Variants in PI4K2A observed in about 807,000 individuals in gnomAD.
PI4K2A encodes the protein phosphatidylinositol 4-kinase type 2-alpha.
In PI4K2A, 20 loss-of-function variants were observed where a neutral mutation model predicts 55.0. The ratio of observed to expected loss-of-function variants is 0.36; its 90% CI spans 0.26 to 0.53. PI4K2A has a LOEUF of 0.53. Ranked by LOEUF, PI4K2A falls within the 20% of genes least tolerant of loss-of-function variation. The pLI, the probability that PI4K2A is intolerant of heterozygous loss-of-function variation, is 0.91. For synonymous variants in PI4K2A, 235 were observed against 258.5 expected (o/e 0.91, Z 0.87); for missense variants, 463 against 637.1 (o/e 0.73, Z 2.94).
At chr10:97,670,758 G>T (rs2041630980) in intron 8 of PI4K2A, among the ~76,000 whole-genome samples, 3 of 152,180 alleles carry the variant, frequency 2.0e-5, no homozygotes. Flanking sequence ...CTTGAGGGCT[G>T]TGTGTCTGTG....
intron 4 of PI4K2A, among the ~76,000 whole-genome samples, chr10:97,660,917 C>A (rs1197699799): frequency 6.9e-6 from 1 of 144,360 alleles, no homozygotes; most frequent in African/African-American, 2.7e-5. Flanking sequence ...CTTCCTGCTA[C>A]CCCCATCCCT....
intron 4 of PI4K2A, among the ~76,000 whole-genome samples, chr10:97,658,047 C>T (rs1186374614): frequency 6.6e-6 from 1 of 152,140 alleles, no homozygotes; most frequent in East Asian, 1.9e-4. Context: ...GTTGGCCAGG[C>T]TGGTCTTGAA....
At chr10:97,641,028 C>G (rs1404429830) in exon 1 of PI4K2A, 2 of 1,585,842 alleles carry the variant, frequency 1.3e-6, no homozygotes, top group Non-Finnish European at 1.7e-6. Context: ...CCACGCCGCT[C>G]AGGCCCACCG....
At chr10:97,668,544 C>G (rs2041620609) in intron 8 of PI4K2A, among the ~76,000 whole-genome samples, 1 of 152,038 alleles carries the variant, frequency 6.6e-6, no homozygotes, top group Non-Finnish European at 1.5e-5. Context: ...CACCACTGCA[C>G]TCCAGTCTAG....
intron 6 of PI4K2A, among the ~76,000 whole-genome samples, chr10:97,666,153 T>C (rs903311485): frequency 2.6e-5 from 4 of 152,152 alleles, no homozygotes; most frequent in African/African-American, 9.7e-5. Context: ...AGAAGGACCA[T>C]CTCAGCGTCT....
chr10:97,666,701 G>C, intron 7 of PI4K2A, 130 bp downstream of exon 7: 1 of 771,432 alleles, frequency 1.3e-6, no homozygotes, highest in South Asian at 1.9e-5. Flanking sequence ...CCAACGAATA[G>C]CAAGATTTCC....
intron 5 of PI4K2A, among the ~76,000 whole-genome samples, chr10:97,663,955 G>A (rs2041598475): frequency 6.6e-6 from 1 of 152,092 alleles, no homozygotes; most frequent in South Asian, 2.1e-4. Context: ...TCAGCCTCCT[G>A]AGTAGCTGGG....
At chr10:97,641,159 C>A in exon 1 of PI4K2A, 5 of 1,605,842 alleles carry the variant, frequency 3.1e-6, no homozygotes, top group Non-Finnish European at 4.2e-6. Flanking sequence ...GAAGCTACTT[C>A]GTCAAGGACC....
intron 4 of PI4K2A, among the ~76,000 whole-genome samples, chr10:97,661,388 T>G (rs912695171): frequency 1.3e-5 from 2 of 148,862 alleles, no homozygotes; most frequent in African/African-American, 2.5e-5. Context: ...TTTTTTTTTT[T>G]TCAGTATAAT....
chr10:97,656,360 C>T lies in PI4K2A; in HGVS notation c.712C>T (p.Leu238=), dbSNP rs1204370178. 6.2e-7 allele frequency: 1 copy of T among 1,614,018 alleles called. No individual in the cohort carries two copies. Among genetic ancestry groups the T allele is most frequent in the Non-Finnish European group, 8.5e-7 (1 of 1,179,918 alleles). Residue 238 remains leucine, a synonymous_variant, in exon 3 of 9, where the codon CTA becomes TTA. Transcript: ENST00000370631. The surrounding 1 kb of genome is among the most constrained non-coding windows in gnomAD (Gnocchi z 4.5). ...GAAGTCCAGGGGCAAGCGGCTTGCA[C>T]TAGAGAAAGTGCCAAAAGTTGGACA...
At position 97,651,254 on chromosome 10, in the gene PI4K2A, G is replaced by T. The variant is rs147908442; in HGVS notation, c.636+113G>T. The T allele has an allele frequency of 2.9e-3, 2,108 of 722,200 alleles. 18 individuals carry two copies. Among genetic ancestry groups the T allele is most frequent in the Non-Finnish European group, 1.8e-3 (771 of 424,196 alleles). 44.7% of individuals were successfully genotyped at this position (722,200 alleles called of 1,614,324 possible). A position where few individuals can be genotyped will look rare whatever the true frequency, so the allele number is the denominator to read the frequency against. On this transcript the variant is annotated intron_variant, in intron 2 of 8. Coordinates refer to ENST00000370631, the Ensembl canonical transcript of PI4K2A. Reference sequence around the variant, plus strand: ...TCCAGTGGGGTCATTTATACCCTAAGTCTGGGTTCTCGATCTTTTTTCGGG... The same window carrying T: ...TCCAGTGGGGTCATTTATACCCTAATTCTGGGTTCTCGATCTTTTTTCGGG...
chr10:97,673,214 C>A (rs934189282), intron 8 of PI4K2A, among the ~76,000 whole-genome samples: 5 of 152,110 alleles, frequency 3.3e-5, no homozygotes, highest in African/African-American at 1.2e-4. Flanking sequence ...TCGTCTGAAA[C>A]TCCTGACCTC....
rs1246613020 is a variant in PI4K2A at position 97,642,884 on chromosome 10, TCTTCCTTCCTTC to T, written c.435+1739_435+1750del. On this transcript the variant is annotated intron_variant, in intron 1 of 8. Coordinates refer to ENST00000370631, the Ensembl canonical transcript of PI4K2A. ...CTTTCTTTTTCTTTCTTTCTTTCTT[TCTTCCTTCCTTC>T]CTTCCTTCCTTCCTTCCTTCCTTCC... Among the ~76,000 whole-genome samples, 134 of 96,868 alleles carry T rather than the reference TCTTCCTTCCTTC, an allele frequency of 1.4e-3. 3 individuals are homozygous for T. The highest frequency in any genetic ancestry group is 3.5e-3 in the South Asian group (11 of 3,176). The allele number at this position is 96,868 out of a possible 152,430, so 63.5% of individuals were successfully genotyped here.
chr10:97,666,925 T>G lies in PI4K2A; in HGVS notation c.1219-136T>G, dbSNP rs2041612383. ...TCATCTGTAAAGCAGGGAGTTCTTGTGGGAGTAGTTGACTTCACAAAGCTG... is the reference window on the plus strand; with the variant it reads ...TCATCTGTAAAGCAGGGAGTTCTTGGGGGAGTAGTTGACTTCACAAAGCTG... On this transcript the variant is annotated intron_variant, in intron 7 of 8. Transcript: ENST00000370631. 4 of 680,770 alleles carry G rather than the reference T, an allele frequency of 5.9e-6. No homozygotes were observed. The East Asian group carries it at 1.0e-4, about 17-fold the overall frequency. The allele number at this position is 680,770 out of a possible 1,614,324, so 42.2% of individuals were successfully genotyped here.
Position 97,647,829 on chromosome 10 carries a change from C to G in PI4K2A, c.436-3112C>G, listed in dbSNP as rs185319216. ...GAGTCATTGAAATGCTTCTTATTCTCCTTATGGTAGAAGGAAATCAAGATG... is the reference window on the plus strand; with the variant it reads ...GAGTCATTGAAATGCTTCTTATTCTGCTTATGGTAGAAGGAAATCAAGATG... On this transcript the variant is annotated intron_variant, in intron 1 of 8. Coordinates refer to ENST00000370631, the Ensembl canonical transcript of PI4K2A. Among the ~76,000 whole-genome samples, 9 of 151,418 alleles carry G rather than the reference C, an allele frequency of 5.9e-5. No homozygotes were observed. The East Asian group carries it at 1.4e-3, about 23-fold the overall frequency.
intron 4 of PI4K2A, among the ~76,000 whole-genome samples, chr10:97,661,932 A>G (rs2135758834): frequency 6.7e-6 from 1 of 149,570 alleles, no homozygotes; most frequent in African/African-American, 2.5e-5. Flanking sequence ...AGCTCATTGC[A>G]GCAGCCTCCA....
At chr10:97,651,133 C>T (rs375968716) in exon 2 of PI4K2A, 54 of 1,611,396 alleles carry the variant, frequency 3.4e-5, no homozygotes, top group Middle Eastern at 2.0e-4. Context: ...CATTGTTCCC[C>T]GTACAAAGGT....
intron 1 of PI4K2A, 51 bp downstream of exon 1, chr10:97,641,228 C>T (rs1412994581): frequency 2.8e-6 from 4 of 1,411,142 alleles, no homozygotes; most frequent in South Asian, 1.2e-5. Context: ...CGGCGGCGCT[C>T]CTGGGGAGTT....
intron 1 of PI4K2A, among the ~76,000 whole-genome samples, chr10:97,642,865 T>TTCTTTCTTTCTTTCTTTC (rs1554878117): frequency 0.017 from 894 of 53,618 alleles, 155 homozygotes; most frequent in Non-Finnish European, 0.026. Context: ...CTTTCTTTCT[T>TTCTTTCTTTCTTTCTTTC]TTTCTTTCTT....
Sources: allele counts gnomAD v4.1 joint callset (sites outside exome capture counted in the v4.1 genomes callset), GRCh38; gene constraint gnomAD v4.1.1; non-coding constraint Gnocchi (gnomAD v3.1); transcripts MANE v1.5; gene names NCBI Gene and HGNC (gene_info 2026-07-23, HGNC 2026-07-21).